MVK: variants seen among roughly 807,000 people sequenced by gnomAD.
The protein encoded by MVK is mevalonate kinase, also known as LH receptor mRNA-binding protein.
MVK carries 34 observed loss-of-function variants against 43.2 expected under a neutral mutation model. The observed-to-expected ratio is 0.79, with a 90% CI of 0.60 to 1.05. The LOEUF is 1.05. MVK is among the 50% of genes least tolerant of loss of function. The probability of loss-of-function intolerance (pLI) is 0.00; values close to 1 mark genes in which losing one functional copy is unlikely to be tolerated. For synonymous variants in MVK, 190 were observed against 219.8 expected (o/e 0.86, Z 1.20); for missense variants, 395 against 504.0 (o/e 0.78, Z 2.07).
At chr12:109,584,864 G>T (rs965952267) in intron 5 of MVK, among the ~76,000 whole-genome samples, 1 of 152,088 alleles carries the variant, frequency 6.6e-6, no homozygotes, top group Non-Finnish European at 1.5e-5. Context: ...CAGCCTGGGG[G>T]ACAAGAGCGA....
At chr12:109,574,645 G>A (rs1884843575) in intron 1 of MVK, among the ~76,000 whole-genome samples, 164 bp from the exon 2 acceptor site, 1 of 152,234 alleles carries the variant, frequency 6.6e-6, no homozygotes, top group South Asian at 2.1e-4. Context: ...TCTGTTGGAT[G>A]TGTCCAGTTG....
At position 109,586,142 on chromosome 12, in the gene MVK, G is replaced by A. The variant is rs1885423803; in HGVS notation, c.631+17G>A. The stretch of plus-strand genomic sequence containing the variant: ...GCACCTGGGGTAGGTGTGGCCTCAG[G>A]TTTATTTTATTGTTGTTATTTTAAA... On this transcript the variant is annotated intron_variant, in intron 6 of 10. Coordinates refer to ENST00000228510, the MANE Select transcript of MVK (RefSeq NM_000431.4). The A allele has an allele frequency of 1.3e-6, 2 of 1,587,352 alleles. No individual in the cohort carries two copies. The highest frequency in any genetic ancestry group is 2.2e-5 in the South Asian group (2 of 90,284).
chr12:109,589,256 G>A (rs1339669617), intron 7 of MVK: 2 of 152,344 alleles, frequency 1.3e-5, no homozygotes, highest in Non-Finnish European at 2.9e-5. Flanking sequence ...CAGAGGACTT[G>A]TCTAAGAAAG....
intron 2 of MVK, 105 bp downstream of exon 2, chr12:109,575,005 A>C: frequency 1.8e-6 from 2 of 1,140,292 alleles, no homozygotes; most frequent in Non-Finnish European, 2.6e-6. Flanking sequence ...GGAGCAGATC[A>C]GAGAGATCAG....
At chr12:109,593,965 G>A (rs72648038) in intron 9 of MVK, among the ~76,000 whole-genome samples, 3,955 of 151,826 alleles carry the variant, frequency 0.026, 66 homozygotes, top group South Asian at 0.048. Context: ...TGATCCACCC[G>A]CCTCGACCTC....
In MVK at chr12:109,596,504, G is replaced by T; in HGVS notation, c.1118G>T (p.Gly373Val). 6.2e-7 allele frequency: 1 copy of T among 1,613,302 alleles called. No homozygotes were observed. The highest frequency in any genetic ancestry group is 8.5e-7 in the Non-Finnish European group (1 of 1,179,928). Residue 373 changes from glycine (G) to valine (V), a missense_variant, in exon 11 of 11, where the codon GGT (glycine) becomes GTT (valine). Coordinates refer to ENST00000228510, the MANE Select transcript of MVK (RefSeq NM_000431.4). ...CGFDCLETSI[G>V]APGVSIHSAT... ...TTTGACTGCTTGGAAACCAGCATCG[G>T]TGCCCCCGGCGTCTCCATCCACTCA... is the stretch of plus-strand genomic sequence containing the variant.
rs56231243 is a variant in MVK at position 109,580,279 on chromosome 12, T to A, written c.371+333T>A. Among the ~76,000 whole-genome samples the A allele has an allele frequency of 1.8e-3, 280 of 152,262 alleles. 4 individuals are homozygous for A. The highest frequency in any genetic ancestry group is 6.4e-3 in the African/African-American group (264 of 41,548). Reference sequence around the variant, plus strand: ...CACCATGCCTGGCTAAATTTTTAAATTTTTGTAGAGATGGAGTCTCACTGT... The same window carrying A: ...CACCATGCCTGGCTAAATTTTTAAAATTTTGTAGAGATGGAGTCTCACTGT... On this transcript the variant is annotated intron_variant, in intron 4 of 10. Coordinates refer to ENST00000228510, the MANE Select transcript of MVK (RefSeq NM_000431.4).
At chr12:109,587,875 T>C (rs3782897) in intron 7 of MVK, 57,488 of 152,188 alleles carry the variant, frequency 0.38, 11,323 homozygotes, top group African/African-American at 0.47. Context: ...GTGGTGGGGC[T>C]GCCCTGTGCA....
At position 109,593,716 on chromosome 12, in the gene MVK, A is replaced by ATTTTT. The variant is rs33948292; in HGVS notation, c.886-1294_886-1290dup. The stretch of plus-strand genomic sequence containing the variant: ...GTTTCGTCTCAGGGCAAAGAAGCAG[A>ATTTTT]TTTTTTTTTTTTTTTTTTTTTTGAG... On this transcript the variant is annotated intron_variant, in intron 9 of 10. Transcript: ENST00000228510. Among the ~76,000 whole-genome samples the ATTTTT allele has an allele frequency of 1.4e-3, 158 of 110,356 alleles. 5 individuals carry two copies. Among genetic ancestry groups the ATTTTT allele is most frequent in the African/African-American group, 4.2e-3 (109 of 26,228 alleles). The allele number at this position is 110,356 out of a possible 152,430, so 72.4% of individuals were successfully genotyped here. A position where few individuals can be genotyped will look rare whatever the true frequency, so the allele number is the denominator to read the frequency against.
At position 109,574,104 on chromosome 12, in the gene MVK, T is replaced by C. The variant is rs147982047; in HGVS notation, c.-15+231T>C. Among the ~76,000 whole-genome samples the C allele has an allele frequency of 2.6e-5, 4 of 152,346 alleles. No individual in the cohort carries two copies. The East Asian group carries it at 7.7e-4, about 29-fold the overall frequency. ...GGGGATCACGATAGTACTTAGCTCATAGTACACCTGAATCTTAGCGTAAGG... is the reference window on the plus strand; with the variant it reads ...GGGGATCACGATAGTACTTAGCTCACAGTACACCTGAATCTTAGCGTAAGG... On this transcript the variant is annotated intron_variant, in intron 1 of 10. Transcript: ENST00000228510.
At chr12:109,593,788 A>C (rs1339743016) in intron 9 of MVK, among the ~76,000 whole-genome samples, 2 of 146,210 alleles carry the variant, frequency 1.4e-5, no homozygotes, top group Non-Finnish European at 3.0e-5. Flanking sequence ...CAGTGGCACA[A>C]TCTTGGCTCA....
intron 5 of MVK, among the ~76,000 whole-genome samples, chr12:109,584,655 T>C (rs1271355370): frequency 6.6e-6 from 1 of 152,014 alleles, no homozygotes; most frequent in African/African-American, 2.4e-5. Context: ...GAGGCTGAGG[T>C]AGGCAGATCG....
At chr12:109,575,050 T>G in intron 2 of MVK, 150 bp downstream of exon 2, 1 of 785,906 alleles carries the variant, frequency 1.3e-6, no homozygotes, top group Non-Finnish European at 2.2e-6. Context: ...AGATTTCTTA[T>G]GCCCACTGAA....
intron 5 of MVK, among the ~76,000 whole-genome samples, chr12:109,583,206 T>C (rs1296519720): frequency 6.6e-6 from 1 of 151,972 alleles, no homozygotes; most frequent in Admixed American, 6.6e-5. Context: ...CATTAGCTCA[T>C]CATTTAGCAT....
Position 109,596,785 on chromosome 12 carries a change from G to C in MVK, c.*208G>C. ...CTGCCCTCTGCATCCTCTGGAGCCA[G>C]CCGAGCAGGAGGCCTAGGAGGGTCC... On this transcript the variant is annotated 3_prime_UTR_variant, in exon 11 of 11. Transcript: ENST00000228510. The C allele has an allele frequency of 1.4e-6, 1 of 730,922 alleles. No individual in the cohort carries two copies. The highest frequency in any genetic ancestry group is 1.8e-5 in the South Asian group (1 of 56,426). The allele number at this position is 730,922 out of a possible 1,614,324, so 45.3% of individuals were successfully genotyped here. A position where few individuals can be genotyped will look rare whatever the true frequency, so the allele number is the denominator to read the frequency against.
intron 7 of MVK, among the ~76,000 whole-genome samples, chr12:109,587,370 G>C (rs561887998): frequency 6.6e-6 from 1 of 152,170 alleles, no homozygotes; most frequent in Non-Finnish European, 1.5e-5. Flanking sequence ...TGTCCCTCCC[G>C]CTGGAATCAT....
intron 5 of MVK, among the ~76,000 whole-genome samples, chr12:109,583,692 T>C (rs1885320711): frequency 6.6e-6 from 1 of 152,236 alleles, no homozygotes; most frequent in African/African-American, 2.4e-5. Flanking sequence ...CCACAATGGT[T>C]GAACTAGTTT....
chr12:109,574,306 A>G, intron 1 of MVK, among the ~76,000 whole-genome samples: 1 of 152,166 alleles, frequency 6.6e-6, no homozygotes, highest in East Asian at 1.9e-4. Flanking sequence ...TATAATTGTG[A>G]CACATTGGAA....
chr12:109,577,372 T>G (rs1229244642), intron 3 of MVK, among the ~76,000 whole-genome samples: 2 of 152,112 alleles, frequency 1.3e-5, no homozygotes, highest in African/African-American at 4.8e-5. Context: ...CTTTTTGGGT[T>G]TTTTCCTTAC....
Sources: allele counts gnomAD v4.1 joint callset (sites outside exome capture counted in the v4.1 genomes callset), GRCh38; gene constraint gnomAD v4.1.1; transcripts MANE v1.5; gene names NCBI Gene and HGNC (gene_info 2026-07-23, HGNC 2026-07-21).